PTPRD: variants seen among roughly 807,000 people sequenced by gnomAD.
PTPRD encodes the protein receptor-type tyrosine-protein phosphatase delta.
In PTPRD, 34 loss-of-function variants were observed where a neutral mutation model predicts 214.5. The ratio of observed to expected loss-of-function variants is 0.16; its 90% CI spans 0.12 to 0.21. PTPRD has a LOEUF of 0.21. Ranked by LOEUF, PTPRD falls within the 10% of genes least tolerant of loss-of-function variation. The pLI is 1.00. For missense variants in PTPRD, 2,545 were observed against 2,398.7 expected (o/e 1.06, Z -1.27); for synonymous variants, 1,128 against 845.7 (o/e 1.33, Z -5.79).
intron 2 of PTPRD, among the ~76,000 whole-genome samples, chr9:10,533,450 T>C (rs2056962172): frequency 1.3e-5 from 2 of 152,116 alleles, no homozygotes; most frequent in Admixed American, 1.3e-4. Context: ...TTTACAATCA[T>C]AGAGTGGGTA....
In PTPRD at chr9:9,551,268, T is replaced by C. The variant is rs1372837353; in HGVS notation, c.-237+23464A>G. 2.0e-5 allele frequency among the ~76,000 whole-genome samples: 3 copies of C among 151,876 alleles called. No homozygotes were observed. In the East Asian group the frequency reaches 5.8e-4, roughly 29 times the overall value. On this transcript the variant is annotated intron_variant, in intron 8 of 45. Coordinates refer to ENST00000381196, the MANE Select transcript of PTPRD (RefSeq NM_002839.4). ...GATCAGTAAATGCTTAACTGAAAAATCTTATAAAGCTGACAAACGGAGGTC... is the reference window on the plus strand; with the variant it reads ...GATCAGTAAATGCTTAACTGAAAAACCTTATAAAGCTGACAAACGGAGGTC...
At chr9:10,572,629 C>T (rs565962452) in intron 2 of PTPRD, among the ~76,000 whole-genome samples, 39 of 152,044 alleles carry the variant, frequency 2.6e-4, no homozygotes, top group Non-Finnish European at 5.4e-4. Flanking sequence ...AGCAGTTGTC[C>T]ATGCCTGTGA....
At chr9:10,231,928 G>A (rs189697645) in intron 3 of PTPRD, among the ~76,000 whole-genome samples, 3 of 149,104 alleles carry the variant, frequency 2.0e-5, no homozygotes, top group Admixed American at 6.7e-5. Flanking sequence ...ACTCTCCCAA[G>A]ACTGTATTAG....
chr9:9,487,063 T>C (rs10217773), intron 8 of PTPRD, among the ~76,000 whole-genome samples: 31,845 of 152,132 alleles, frequency 0.21, 3,474 homozygotes, highest in Non-Finnish European at 0.24. Flanking sequence ...TTTTCTTTTT[T>C]ATTATTATTA....
chr9:9,072,294 C>CAT (rs1485610544), intron 10 of PTPRD, among the ~76,000 whole-genome samples: 1 of 150,930 alleles, frequency 6.6e-6, no homozygotes. Context: ...CACACACACA[C>CAT]ACACACACAC....
At chr9:10,228,055 C>T (rs2099595066) in intron 3 of PTPRD, among the ~76,000 whole-genome samples, 1 of 151,852 alleles carries the variant, frequency 6.6e-6, no homozygotes, top group African/African-American at 2.4e-5. Flanking sequence ...ACATTTTAGG[C>T]CCATTATGAT....
chr9:10,271,389 T>G (rs1448717318), intron 3 of PTPRD, among the ~76,000 whole-genome samples: 1 of 139,448 alleles, frequency 7.2e-6, no homozygotes, highest in East Asian at 2.1e-4. Context: ...TAACTCAGAG[T>G]CTCTTTATGA....
Position 8,744,892 on chromosome 9 carries a change from T to C in PTPRD, c.-103-10946A>G, listed in dbSNP as rs143663527. On this transcript the variant is annotated intron_variant, in intron 11 of 45. Coordinates refer to ENST00000381196, the MANE Select transcript of PTPRD (RefSeq NM_002839.4). Reference sequence around the variant, plus strand: ...TCTAAGATACTATTAACAATTTACATAGTAGAGAAAATAGGTTGTGTGGGG... The same window carrying C: ...TCTAAGATACTATTAACAATTTACACAGTAGAGAAAATAGGTTGTGTGGGG... Among the ~76,000 whole-genome samples the C allele has an allele frequency of 2.1e-3, 319 of 152,326 alleles. 2 individuals are homozygous for C. The highest frequency in any genetic ancestry group is 6.8e-3 in the Middle Eastern group (2 of 294).
intron 2 of PTPRD, among the ~76,000 whole-genome samples, chr9:10,494,441 C>A (rs1453539724): frequency 6.6e-6 from 1 of 151,588 alleles, no homozygotes; most frequent in Non-Finnish European, 1.5e-5. Flanking sequence ...ACAGTATTGG[C>A]CTCATATTGT....
At chr9:9,155,699 G>T (rs2099880599) in intron 10 of PTPRD, among the ~76,000 whole-genome samples, 1 of 152,154 alleles carries the variant, frequency 6.6e-6, no homozygotes, top group Non-Finnish European at 1.5e-5. Flanking sequence ...GCCAATGTTT[G>T]CTTGGATTCA....
chr9:9,806,835 C>G (rs1458083425), intron 5 of PTPRD, among the ~76,000 whole-genome samples: 1 of 152,070 alleles, frequency 6.6e-6, no homozygotes, highest in Non-Finnish European at 1.5e-5. Context: ...TCTAGGAACA[C>G]TGAACAGGTA....
intron 3 of PTPRD, among the ~76,000 whole-genome samples, chr9:10,218,651 A>C (rs1327984419): frequency 1.3e-5 from 2 of 151,844 alleles, no homozygotes; most frequent in Non-Finnish European, 2.9e-5. Flanking sequence ...ATGTAGTCTG[A>C]ATCCATTTAC....
chr9:9,376,460 C>A (rs563416727), intron 9 of PTPRD, among the ~76,000 whole-genome samples: 1 of 152,056 alleles, frequency 6.6e-6, no homozygotes, highest in Non-Finnish European at 1.5e-5. Flanking sequence ...ATGTATTGAC[C>A]TACATAGTGT....
chr9:10,272,694 C>T (rs961069621), intron 3 of PTPRD, among the ~76,000 whole-genome samples: 4 of 152,148 alleles, frequency 2.6e-5, no homozygotes, highest in South Asian at 2.1e-4. Context: ...TTTGAACTCA[C>T]ATAAGTAATA....
At chr9:10,266,745 A>G (rs78088427) in intron 3 of PTPRD, among the ~76,000 whole-genome samples, 1 of 147,006 alleles carries the variant, frequency 6.8e-6, no homozygotes, top group Non-Finnish European at 1.5e-5. Context: ...CTAATTTTAG[A>G]AAAAAAAAAT....
chr9:8,905,389 T>C (rs1027002532), intron 11 of PTPRD, among the ~76,000 whole-genome samples: 2 of 152,042 alleles, frequency 1.3e-5, no homozygotes, highest in African/African-American at 4.8e-5. Context: ...CCAGATGCAC[T>C]GCACTTCCTT....
chr9:8,499,917 A>G, intron 24 of PTPRD, 77 bp from the exon 25 acceptor site: 1 of 1,301,832 alleles, frequency 7.7e-7, no homozygotes, highest in Admixed American at 2.7e-5. Context: ...CATTTTCTTT[A>G]CTTAGGTTTC....
Position 9,245,447 on chromosome 9 carries a change from T to C in PTPRD, c.-202-62084A>G, listed in dbSNP as rs1008746113. Among the ~76,000 whole-genome samples, 12 of 152,152 alleles carry C rather than the reference T, an allele frequency of 7.9e-5. No individual in the cohort carries two copies. In the Middle Eastern group the frequency reaches 0.01, roughly 129 times the overall value. The stretch of plus-strand genomic sequence containing the variant: ...CGGAGTACTATGCAGCCATAAAAAA[T>C]GATGAGTTCGTGTCCTTTGTAGGGA... On this transcript the variant is annotated intron_variant, in intron 9 of 45. Transcript: ENST00000381196.
chr9:10,555,461 T>A (rs2062330147), intron 2 of PTPRD, among the ~76,000 whole-genome samples: 1 of 152,302 alleles, frequency 6.6e-6, no homozygotes, highest in Admixed American at 6.5e-5. Flanking sequence ...CTGGGGGTAT[T>A]CCCTTGCAGT....
Sources: gnomAD v4.1 joint callset for allele counts (sites outside exome capture counted in the v4.1 genomes callset) on GRCh38, gnomAD v4.1.1 for gene constraint, MANE v1.5 for transcripts, NCBI Gene and HGNC (gene_info 2026-07-23, HGNC 2026-07-21) for gene names.